TXNDC8: variants seen among roughly 807,000 people sequenced by gnomAD.
TXNDC8 encodes thioredoxin domain-containing protein 8.
In TXNDC8, 15 loss-of-function variants were observed where a neutral mutation model predicts 12.9. That is an observed-to-expected ratio of 1.16 (90% CI 0.78 to 1.79). The LOEUF (loss-of-function observed/expected upper bound fraction) is 1.79. TXNDC8 is among the 40% of genes most tolerant of loss of function. The pLI is 0.00. For missense variants in TXNDC8, 128 were observed against 113.2 expected (o/e 1.13, Z -0.59); for synonymous variants, 40 against 35.4 (o/e 1.13, Z -0.46).
chr9:110,332,132 G>T (rs1164217759), intron 2 of TXNDC8, among the ~76,000 whole-genome samples: 3 of 152,204 alleles, frequency 2.0e-5, no homozygotes, highest in African/African-American at 7.2e-5. Flanking sequence ...ATATTCTGTG[G>T]CAAAGTCAAG....
At chr9:110,317,005 G>A (rs776973724) in intron 3 of TXNDC8, among the ~76,000 whole-genome samples, 6 of 152,188 alleles carry the variant, frequency 3.9e-5, no homozygotes, top group African/African-American at 7.2e-5. Context: ...ACTGTTCACC[G>A]ACTCTTATTC....
At chr9:110,305,826 CCTTT>C (rs1838446573) in intron 3 of TXNDC8, among the ~76,000 whole-genome samples, 1 of 129,760 alleles carries the variant, frequency 7.7e-6, no homozygotes, top group African/African-American at 2.9e-5. Context: ...CCTTTCCTTT[CCTTT>C]CTTTTCCTTT....
chr9:110,334,998 T>C (rs1225542021), intron 1 of TXNDC8, among the ~76,000 whole-genome samples: 1 of 152,186 alleles, frequency 6.6e-6, no homozygotes, highest in Non-Finnish European at 1.5e-5. Flanking sequence ...GTTTGTATCA[T>C]CTAAGTAAAT....
chr9:110,301,841 A>G (rs548309796), downstream of TXNDC8, among the ~76,000 whole-genome samples: 2 of 152,280 alleles, frequency 1.3e-5, no homozygotes, highest in South Asian at 4.1e-4. Context: ...GATTCCGTGA[A>G]TCAAGTTTTA....
chr9:110,308,745 A>C (rs967296795), intron 3 of TXNDC8, among the ~76,000 whole-genome samples: 1 of 152,240 alleles, frequency 6.6e-6, no homozygotes, highest in Non-Finnish European at 1.5e-5. Flanking sequence ...GCAGTACCAA[A>C]AAAATCTAGA....
downstream of TXNDC8, among the ~76,000 whole-genome samples, chr9:110,301,510 C>A (rs1331538631): frequency 1.3e-5 from 2 of 152,058 alleles, no homozygotes; most frequent in Admixed American, 1.3e-4. Flanking sequence ...CTGGGGTGCC[C>A]ACCATCTCCA....
intron 2 of TXNDC8, among the ~76,000 whole-genome samples, chr9:110,328,298 T>C (rs1839411934): frequency 6.6e-6 from 1 of 152,214 alleles, no homozygotes; most frequent in Non-Finnish European, 1.5e-5. Context: ...TGTAGAAACA[T>C]TGTGTGTATT....
chr9:110,302,242 C>T (rs1243195546), downstream of TXNDC8, among the ~76,000 whole-genome samples: 1 of 151,884 alleles, frequency 6.6e-6, no homozygotes, highest in African/African-American at 2.4e-5. Context: ...CTCAAGTGAT[C>T]CTCCCACCTC....
chr9:110,327,757 C>T (rs1438110192), intron 2 of TXNDC8, among the ~76,000 whole-genome samples: 3 of 152,114 alleles, frequency 2.0e-5, no homozygotes, highest in Non-Finnish European at 2.9e-5. Context: ...ATTTTGCTTA[C>T]TGTGGATTTG....
intron 1 of TXNDC8, among the ~76,000 whole-genome samples, chr9:110,335,580 T>A (rs1311830150): frequency 6.6e-6 from 1 of 152,200 alleles, no homozygotes; most frequent in Non-Finnish European, 1.5e-5. Context: ...ATTTTACAAA[T>A]GAGAAAAGTG....
At chr9:110,323,831 T>G in intron 3 of TXNDC8, 1 of 1,542,160 alleles carries the variant, frequency 6.5e-7, no homozygotes, top group South Asian at 1.2e-5. Flanking sequence ...CAGACTCATA[T>G]CTTCCCAAAT....
intron 2 of TXNDC8, among the ~76,000 whole-genome samples, chr9:110,327,670 C>T (rs1310481819): frequency 6.6e-6 from 1 of 152,074 alleles, no homozygotes; most frequent in Non-Finnish European, 1.5e-5. Flanking sequence ...AAAATGTATG[C>T]AGTGAAAGCA....
chr9:110,325,770 T>C (rs774817788), intron 3 of TXNDC8, among the ~76,000 whole-genome samples: 3 of 152,130 alleles, frequency 2.0e-5, no homozygotes, highest in Non-Finnish European at 4.4e-5. Flanking sequence ...CTGCCCGCCT[T>C]GGCCTCCCAA....
rs267602082 is a variant in TXNDC8, at chr9:110,326,196, C to T, written c.174G>A (p.Gln58=). Residue 58 remains glutamine (Q), a synonymous_variant, in exon 3 of 5, where the codon CAG becomes CAA. Coordinates refer to ENST00000423740, the MANE Select transcript of TXNDC8 (RefSeq NM_001286946.2). ...ATACCTTCTGGCTTTTCTTGAACAT[C>T]TGAAATGTGGGTATTGTTTTGATGT... 6.2e-7 allele frequency: 1 copy of T among 1,614,088 alleles called. No homozygotes were observed. Among genetic ancestry groups the T allele is most frequent in the South Asian group, 1.1e-5 (1 of 91,080 alleles).
At chr9:110,327,320 CTA>C (rs113757769) in intron 2 of TXNDC8, among the ~76,000 whole-genome samples, 55,400 of 128,442 alleles carry the variant, frequency 0.43, 11,620 homozygotes, top group African/African-American at 0.62. Flanking sequence ...AATGTTTATA[CTA>C]TATATTTTTT....
Position 110,313,312 on chromosome 9 carries a change from A to G in TXNDC8, c.196-8780T>C, listed in dbSNP as rs532337539. On this transcript the variant is annotated intron_variant, in intron 3 of 4. Transcript: ENST00000423740. ...AGCTGTGCTTTTTTAAAGCCCTGCAAACTGAAGCTAGACAATTTAAACTTC... is the reference window on the plus strand; with the variant it reads ...AGCTGTGCTTTTTTAAAGCCCTGCAGACTGAAGCTAGACAATTTAAACTTC... Among the ~76,000 whole-genome samples the G allele has an allele frequency of 2.6e-5, 4 of 152,318 alleles. No individual in the cohort carries two copies. The South Asian group carries it at 8.3e-4, about 32-fold the overall frequency.
chr9:110,315,087 C>T lies in TXNDC8; in HGVS notation c.196-10555G>A, dbSNP rs111329709. Among the ~76,000 whole-genome samples the T allele has an allele frequency of 2.2e-3, 338 of 152,126 alleles. 2 individuals are homozygous for T. The highest frequency in any genetic ancestry group is 7.7e-3 in the African/African-American group (319 of 41,502). On this transcript the variant is annotated intron_variant, in intron 3 of 4. Transcript: ENST00000423740. ...GAACCCTCCTATCCCCTGCATTTGCCCATCATCCAGAGGCAGGTTTTTTTT... is the reference window on the plus strand; with the variant it reads ...GAACCCTCCTATCCCCTGCATTTGCTCATCATCCAGAGGCAGGTTTTTTTT...
intron 2 of TXNDC8, 110 bp downstream of exon 2, chr9:110,334,106 A>G (rs889050277): frequency 1.3e-4 from 104 of 798,654 alleles, no homozygotes; most frequent in African/African-American, 1.2e-3. Flanking sequence ...TCAAAAATCT[A>G]TGGCTCCAGA....
chr9:110,331,914 G>T (rs1019094471), intron 2 of TXNDC8, among the ~76,000 whole-genome samples: 3 of 152,104 alleles, frequency 2.0e-5, no homozygotes, highest in Non-Finnish European at 2.9e-5. Flanking sequence ...CATGGCTTGG[G>T]GGTTGGGGAC....
Sources: allele counts gnomAD v4.1 joint callset (sites outside exome capture counted in the v4.1 genomes callset), GRCh38; gene constraint gnomAD v4.1.1; transcripts MANE v1.5; gene names NCBI Gene and HGNC (gene_info 2026-07-23, HGNC 2026-07-21).